KIAA0825: variants seen among roughly 807,000 people sequenced by gnomAD.
The protein encoded by KIAA0825 is uncharacterized protein KIAA0825.
In KIAA0825, 119 loss-of-function variants were observed where a neutral mutation model predicts 147.6. The ratio of observed to expected loss-of-function variants is 0.81; its 90% CI spans 0.69 to 0.94. KIAA0825 has a LOEUF of 0.94. Ranked by LOEUF, KIAA0825 falls within the 40% of genes least tolerant of loss-of-function variation. The pLI is 0.00. For missense variants in KIAA0825, 1,381 were observed against 1,472.7 expected, an observed-to-expected ratio of 0.94 and a Z score of 1.02; for synonymous variants, 470 against 518.1, an observed-to-expected ratio of 0.91 and a Z score of 1.26.
intron 20 of KIAA0825, among the ~76,000 whole-genome samples, chr5:94,380,143 G>A (rs1748193644): frequency 6.6e-6 from 1 of 152,078 alleles, no homozygotes; most frequent in African/African-American, 2.4e-5. Context: ...GTGAGCCACC[G>A]TGCCTGGCCG....
chr5:94,180,461 T>G (rs570113040), intron 20 of KIAA0825, among the ~76,000 whole-genome samples: 1 of 152,256 alleles, frequency 6.6e-6, no homozygotes, highest in East Asian at 1.9e-4. Flanking sequence ...TGGTGATATC[T>G]GAAAAAGTTC....
chr5:94,494,500 T>C (rs1318586650), intron 5 of KIAA0825, among the ~76,000 whole-genome samples: 23 of 152,128 alleles, frequency 1.5e-4, no homozygotes, highest in African/African-American at 2.4e-5. Context: ...ACTTTTGTTT[T>C]ATGCTGGTTT....
chr5:94,182,926 G>GGAACA (rs918746671), intron 20 of KIAA0825, among the ~76,000 whole-genome samples: 2 of 152,124 alleles, frequency 1.3e-5, no homozygotes, highest in African/African-American at 4.8e-5. Flanking sequence ...AGTAAGGTAG[G>GGAACA]GAACAGGTTC....
At chr5:94,327,326 A>T (rs1780796788) in intron 20 of KIAA0825, among the ~76,000 whole-genome samples, 1 of 152,142 alleles carries the variant, frequency 6.6e-6, no homozygotes, top group South Asian at 2.1e-4. Context: ...AGGAAAGCAT[A>T]GAACATGAAT....
chr5:94,257,328 C>G (rs1047292033), intron 20 of KIAA0825, among the ~76,000 whole-genome samples: 4 of 152,070 alleles, frequency 2.6e-5, no homozygotes, highest in Non-Finnish European at 4.4e-5. Context: ...AAACACATCA[C>G]TTCAGACACA....
At chr5:94,584,432 G>A (rs773728953) in intron 1 of KIAA0825, among the ~76,000 whole-genome samples, 7 of 152,118 alleles carry the variant, frequency 4.6e-5, no homozygotes, top group Non-Finnish European at 1.0e-4. Context: ...GTGGAAGAAA[G>A]AATATCAGTG....
intron 20 of KIAA0825, among the ~76,000 whole-genome samples, chr5:94,360,574 T>C (rs1033136723): frequency 6.6e-6 from 1 of 152,194 alleles, no homozygotes; most frequent in African/African-American, 2.4e-5. Context: ...AAGTAATCTC[T>C]GGTCATCCTC....
intron 20 of KIAA0825, among the ~76,000 whole-genome samples, chr5:94,306,024 C>T (rs911917348): frequency 4.0e-5 from 6 of 151,822 alleles, no homozygotes; most frequent in Non-Finnish European, 8.8e-5. Context: ...CATCCCCCAC[C>T]TCTCCAATGG....
chr5:94,569,542 G>T, intron 2 of KIAA0825: 2 of 409,336 alleles, frequency 4.9e-6, no homozygotes, highest in South Asian at 1.3e-4. Flanking sequence ...GAACACTAAT[G>T]ACCCCAACAC....
chr5:94,185,233 C>T (rs1289579546), intron 20 of KIAA0825, among the ~76,000 whole-genome samples: 2 of 152,150 alleles, frequency 1.3e-5, no homozygotes, highest in Non-Finnish European at 2.9e-5. Flanking sequence ...TGGAAGTCAT[C>T]ACTATAACAA....
intron 13 of KIAA0825, among the ~76,000 whole-genome samples, chr5:94,452,260 G>A (rs1758510686): frequency 6.6e-6 from 1 of 152,084 alleles, no homozygotes; most frequent in Non-Finnish European, 1.5e-5. Flanking sequence ...TCTATTTATG[G>A]GTGACAATCT....
chr5:94,428,718 C>T (rs1755243074), intron 14 of KIAA0825, among the ~76,000 whole-genome samples: 1 of 152,026 alleles, frequency 6.6e-6, no homozygotes, highest in South Asian at 2.1e-4. Context: ...AGTCTGGTGA[C>T]CATATTACTT....
At chr5:94,296,691 G>A (rs1313682200) in intron 20 of KIAA0825, among the ~76,000 whole-genome samples, 2 of 152,068 alleles carry the variant, frequency 1.3e-5, no homozygotes, top group Admixed American at 6.6e-5. Context: ...CCGGGTGAGG[G>A]GACATCCCTC....
At chr5:94,278,835 T>C (rs536498670) in intron 20 of KIAA0825, among the ~76,000 whole-genome samples, 26 of 25,448 alleles carry the variant, frequency 1.0e-3, no homozygotes, top group African/African-American at 3.4e-3. Flanking sequence ...ATCTGAATAC[T>C]TTCCTAAATT....
chr5:94,349,199 A>G (rs1719073131), intron 20 of KIAA0825, among the ~76,000 whole-genome samples: 1 of 152,244 alleles, frequency 6.6e-6, no homozygotes, highest in Non-Finnish European at 1.5e-5. Flanking sequence ...AGAGACAAAA[A>G]GGGACATTAT....
At chr5:94,537,170 C>G (rs766307920) in intron 2 of KIAA0825, 43 bp from the exon 3 acceptor site, 6 of 1,547,056 alleles carry the variant, frequency 3.9e-6, no homozygotes, top group Non-Finnish European at 5.3e-6. Flanking sequence ...AGTTCCCCCA[C>G]AATGGCCAGG....
At chr5:94,457,479 T>C (rs1455264189) in intron 12 of KIAA0825, among the ~76,000 whole-genome samples, 1 of 152,098 alleles carries the variant, frequency 6.6e-6, no homozygotes, top group Admixed American at 6.6e-5. Context: ...GGGAAAAGAG[T>C]GCATTTGGGA....
intron 8 of KIAA0825, among the ~76,000 whole-genome samples, chr5:94,472,269 G>A (rs996764740): frequency 1.3e-5 from 2 of 152,094 alleles, no homozygotes; most frequent in African/African-American, 4.8e-5. Context: ...GAAGTGATGA[G>A]TCTAGCCTTT....
intron 20 of KIAA0825, among the ~76,000 whole-genome samples, chr5:94,221,839 G>C (rs1030662800): frequency 6.6e-6 from 1 of 152,078 alleles, no homozygotes; most frequent in African/African-American, 2.4e-5. Flanking sequence ...CTTTTCTTTG[G>C]TGAAATCTAT....
Sources: allele counts gnomAD v4.1 joint callset (sites outside exome capture counted in the v4.1 genomes callset), GRCh38; gene constraint gnomAD v4.1.1; transcripts MANE v1.5; gene names NCBI Gene and HGNC (gene_info 2026-07-23, HGNC 2026-07-21).